The following SPTB variants were observed in gnomAD, a reference collection of about 807,000 sequenced individuals.
SPTB encodes spectrin beta, erythrocytic.
Under a neutral mutation model 256.2 loss-of-function variants are expected in SPTB, and 45 were observed. That is an observed-to-expected ratio of 0.18 (90% CI 0.14 to 0.23). The LOEUF (loss-of-function observed/expected upper bound fraction) is 0.23, where lower values mean the gene tolerates loss of function less well. Ranked by LOEUF, SPTB falls within the 10% of genes least tolerant of loss-of-function variation. SPTB has a pLI of 1.00. For missense variants in SPTB, 2,715 were observed against 3,040.4 expected (o/e 0.89, Z 2.52); for synonymous variants, 1,231 against 1,243.1 (o/e 0.99, Z 0.21).
chr14:64,791,866 G>A lies in SPTB; in HGVS notation c.2667-10C>T, dbSNP rs1305259435. ...GTCCAGGATGTCGAACCTGATATGG[G>A]CAAAGGAAAATATGAGGATGGGTGA... On this transcript the variant is annotated splice_polypyrimidine_tract_variant and intron_variant, in intron 14 of 35. Transcript: ENST00000644917. 5.0e-6 allele frequency: 8 copies of A among 1,614,008 alleles called. No homozygotes were observed. The Admixed American group carries it at 1.2e-4, about 24-fold the overall frequency.
At chr14:64,830,364 ATTATTATTAT>A (rs2083435489) in intron 1 of SPTB, among the ~76,000 whole-genome samples, 1 of 139,210 alleles carries the variant, frequency 7.2e-6, no homozygotes, top group African/African-American at 2.9e-5. Context: ...TATTATTATT[ATTATTATTAT>A]TATTATTTTA....
At chr14:64,814,207 G>T (rs1199206331) in intron 2 of SPTB, among the ~76,000 whole-genome samples, 1 of 152,190 alleles carries the variant, frequency 6.6e-6, no homozygotes, top group African/African-American at 2.4e-5. Context: ...TACTTGGGAG[G>T]CTGAGCTTGG....
At position 64,823,534 on chromosome 14, in the gene SPTB, C is replaced by A. The variant is rs1287758805; in HGVS notation, c.-51-389G>T. Among the ~76,000 whole-genome samples the A allele has an allele frequency of 6.6e-6, 1 of 152,152 alleles. No individual in the cohort carries two copies. The highest frequency in any genetic ancestry group is 2.4e-5 in the African/African-American group (1 of 41,432). On this transcript the variant is annotated intron_variant, in intron 1 of 35. Transcript: ENST00000644917. The surrounding 1 kb of genome is among the most constrained non-coding windows in gnomAD (Gnocchi z 6.5). ...CAAGCTGGGGAAAGCAACCCTCACC[C>A]TGAGGACTAGGCCAGGACCTAACCT... is the stretch of plus-strand genomic sequence containing the variant.
At position 64,759,041 on chromosome 14, in the gene SPTB, G is replaced by T. The variant is rs2139447523; in HGVS notation, c.6346-5248C>A. Among the ~76,000 whole-genome samples, 1 of 152,270 alleles carries T rather than the reference G, an allele frequency of 6.6e-6. No individual in the cohort carries two copies. Among genetic ancestry groups the T allele is most frequent in the East Asian group, 1.9e-4 (1 of 5,180 alleles). On this transcript the variant is annotated intron_variant, in intron 32 of 35. Transcript: ENST00000644917. This position sits in a 1 kb window ranked among gnomAD's most constrained non-coding sequence, Gnocchi z 4.8. The stretch of plus-strand genomic sequence containing the variant: ...CTCAGAATTCTAGAGCTGGAAAGAG[G>T]CCTTGGGGTCATGGGACTCAGCCTC...
intron 1 of SPTB, among the ~76,000 whole-genome samples, chr14:64,848,698 T>C (rs1401792006): frequency 1.3e-5 from 2 of 152,254 alleles, no homozygotes; most frequent in Non-Finnish European, 2.9e-5. Flanking sequence ...CCTTATTTAC[T>C]ACTTTCCAAT....
At chr14:64,855,790 A>C (rs1386447303) in intron 1 of SPTB, among the ~76,000 whole-genome samples, 1 of 152,224 alleles carries the variant, frequency 6.6e-6, no homozygotes, top group Admixed American at 6.5e-5. Flanking sequence ...GAGGTGTTCC[A>C]GGCATGTGGT....
chr14:64,770,256 C>T (rs547341903), intron 27 of SPTB, among the ~76,000 whole-genome samples: 13 of 152,022 alleles, frequency 8.6e-5, no homozygotes, highest in South Asian at 2.1e-4. Context: ...TGTGTAACAG[C>T]GAATATATTA....
intron 1 of SPTB, among the ~76,000 whole-genome samples, chr14:64,832,152 T>C (rs926409947): frequency 6.6e-6 from 1 of 152,220 alleles, no homozygotes; most frequent in African/African-American, 2.4e-5. Context: ...TGGTAGCTTC[T>C]AGCTTCTTCA....
intron 28 of SPTB, 29 bp from the exon 29 acceptor site, chr14:64,769,147 G>T: frequency 6.2e-7 from 1 of 1,605,622 alleles, no homozygotes; most frequent in South Asian, 1.1e-5. Flanking sequence ...GAAAAGCTCA[G>T]GCTTGGCTCA....
intron 1 of SPTB, among the ~76,000 whole-genome samples, chr14:64,859,706 CTCTCTCTCTCTCTCTATA>C (rs2083929442): frequency 1.1e-4 from 3 of 27,532 alleles, no homozygotes; most frequent in South Asian, 3.4e-3. Context: ...CTCTCTCTCT[CTCTCTCTCTCTCTCTATA>C]TATATATATA....
chr14:64,751,016 TTA>T (rs548276402), intron 33 of SPTB, among the ~76,000 whole-genome samples: 170 of 145,814 alleles, frequency 1.2e-3, no homozygotes, highest in African/African-American at 3.1e-3. Flanking sequence ...ATATTATACA[TTA>T]TGTTATATAT....
chr14:64,867,432 C>T (rs1172043973), intron 1 of SPTB, among the ~76,000 whole-genome samples: 1 of 152,140 alleles, frequency 6.6e-6, no homozygotes, highest in Non-Finnish European at 1.5e-5. Context: ...ACCAGCCAGG[C>T]TACAGCGTGG....
chr14:64,875,676 G>A (rs1037426956), intron 1 of SPTB, among the ~76,000 whole-genome samples: 1 of 152,178 alleles, frequency 6.6e-6, no homozygotes, highest in African/African-American at 2.4e-5. Context: ...CCTACGATCT[G>A]TCTGTTAAAA....
chr14:64,861,993 C>T (rs1018515800), intron 1 of SPTB, among the ~76,000 whole-genome samples: 1 of 152,264 alleles, frequency 6.6e-6, no homozygotes, highest in Admixed American at 6.5e-5. Context: ...GTTGGCATTA[C>T]CCAAAGTTAA....
At chr14:64,757,380 C>A (rs1399244871) in intron 32 of SPTB, 3 of 152,220 alleles carry the variant, frequency 2.0e-5, no homozygotes, top group African/African-American at 7.2e-5. Context: ...CTTCTGTTTC[C>A]TCTTAATGGG....
chr14:64,840,616 T>C (rs1260790608), intron 1 of SPTB, among the ~76,000 whole-genome samples: 1 of 152,228 alleles, frequency 6.6e-6, no homozygotes, highest in Non-Finnish European at 1.5e-5. Context: ...CTAAGAAGCC[T>C]CTTGCTACCT....
intron 1 of SPTB, among the ~76,000 whole-genome samples, chr14:64,862,766 TAG>T (rs1436630249): frequency 4.0e-5 from 6 of 151,708 alleles, no homozygotes; most frequent in Non-Finnish European, 8.8e-5. Context: ...TCCCAGCTAC[TAG>T]AGAGGCTGAG....
intron 1 of SPTB, among the ~76,000 whole-genome samples, chr14:64,828,212 CA>C (rs959457099): frequency 6.6e-6 from 1 of 151,852 alleles, no homozygotes; most frequent in Non-Finnish European, 1.5e-5. Context: ...TGTCACCCGG[CA>C]GGGGCTTTAC....
Position 64,761,168 on chromosome 14 carries a change from T to C in SPTB, c.6345+5558A>G, listed in dbSNP as rs143259974. Among the ~76,000 whole-genome samples the C allele has an allele frequency of 3.5e-3, 528 of 152,276 alleles. 5 individuals carry two copies. The highest frequency in any genetic ancestry group is 0.012 in the African/African-American group (513 of 41,570). On this transcript the variant is annotated intron_variant, in intron 32 of 35. Coordinates refer to ENST00000644917, the MANE Select transcript of SPTB (RefSeq NM_001355436.2). ...AAGTGACTCTGGCCGCCAAGAAGTG[T>C]TGCCCTCGCCCGGTGTCTGATATCT...
Sources: gnomAD v4.1 joint callset for allele counts (sites outside exome capture counted in the v4.1 genomes callset) on GRCh38, gnomAD v4.1.1 for gene constraint, Gnocchi (gnomAD v3.1) non-coding constraint, MANE v1.5 for transcripts, NCBI Gene and HGNC (gene_info 2026-07-23, HGNC 2026-07-21) for gene names.